Variants in GABRA3 observed in about 807,000 individuals in gnomAD.
The protein encoded by GABRA3 is gamma-aminobutyric acid type A receptor subunit alpha3.
GABRA3 carries 10 observed loss-of-function variants against 30.1 expected under a neutral mutation model. The ratio of observed to expected loss-of-function variants is 0.33; its 90% CI spans 0.20 to 0.56. The LOEUF is 0.56. Ranked by LOEUF, GABRA3 falls within the 20% of genes least tolerant of loss-of-function variation. The pLI, the probability that GABRA3 is intolerant of heterozygous loss-of-function variation, is 0.89. For synonymous variants in GABRA3, 151 were observed against 146.8 expected, an observed-to-expected ratio of 1.03 and a Z score of -0.21; for missense variants, 233 against 392.0, an observed-to-expected ratio of 0.59 and a Z score of 3.42.
In GABRA3 at chrX:152,179,540, G is replaced by A. The variant is rs755463385; in HGVS notation, c.1143+10190C>T. On this transcript the variant is annotated intron_variant, in intron 9 of 9. Transcript: ENST00000370314. ...GATGGAGTCTCGCTCTGTCGCTCAG[G>A]CTGGAGTGCAGTGGCGCGATCTCGG... is the stretch of plus-strand genomic sequence containing the variant. Among the ~76,000 whole-genome samples the A allele has an allele frequency of 1.1e-3, 121 of 105,797 alleles. 2 individuals carry two copies. Among genetic ancestry groups the A allele is most frequent in the Admixed American group, 9.2e-4 (9 of 9,773 alleles). The allele number at this position is 105,797 out of a possible 115,157, so 91.9% of individuals were successfully genotyped here.
chrX:152,397,194 AAG>A (rs1929682143), intron 1 of GABRA3, among the ~76,000 whole-genome samples: 1 of 111,872 alleles, frequency 8.9e-6, no homozygotes, highest in Admixed American at 9.5e-5. Context: ...TGGCTTCTAT[AAG>A]AGACGGCTTG....
chrX:152,371,095 T>C (rs1928825536), intron 1 of GABRA3, among the ~76,000 whole-genome samples: 1 of 110,971 alleles, frequency 9.0e-6, no homozygotes, highest in Non-Finnish European at 1.9e-5. Flanking sequence ...CATCTACAAA[T>C]AAGCACCTTA....
At chrX:152,415,709 T>C (rs911980508) in intron 1 of GABRA3, among the ~76,000 whole-genome samples, 14 of 111,550 alleles carry the variant, frequency 1.3e-4, no homozygotes, top group Admixed American at 6.7e-4. Context: ...AGAATTCCCA[T>C]TGGGTGACTC....
At chrX:152,358,948 A>C in intron 2 of GABRA3, among the ~76,000 whole-genome samples, 1 of 111,376 alleles carries the variant, frequency 9.0e-6, no homozygotes, top group Non-Finnish European at 1.9e-5. Flanking sequence ...TTGATATGCT[A>C]CTGGATTTGG....
chrX:152,211,442 T>G (rs756534862), intron 6 of GABRA3, among the ~76,000 whole-genome samples: 7 of 111,005 alleles, frequency 6.3e-5, no homozygotes, highest in Non-Finnish European at 1.3e-4. Flanking sequence ...GGCAATAATA[T>G]ATGGGAACAG....
At chrX:152,365,824 T>C (rs921641384) in intron 1 of GABRA3, among the ~76,000 whole-genome samples, 1 of 111,781 alleles carries the variant, frequency 8.9e-6, no homozygotes, top group African/African-American at 3.2e-5. Flanking sequence ...TTCATGAATC[T>C]GGTATAGGCA....
chrX:152,424,740 G>T, intron 1 of GABRA3, among the ~76,000 whole-genome samples: 1 of 109,384 alleles, frequency 9.1e-6, no homozygotes, highest in Admixed American at 9.9e-5. Flanking sequence ...ATATGCTTTT[G>T]GTGTGCCCAC....
chrX:152,288,164 A>G (rs1271046677), intron 3 of GABRA3, among the ~76,000 whole-genome samples: 2 of 111,745 alleles, frequency 1.8e-5, no homozygotes, highest in Non-Finnish European at 3.8e-5. Flanking sequence ...CTCTATTCCA[A>G]GCCCAGGCAA....
chrX:152,260,751 C>T (rs1374730601), intron 4 of GABRA3, among the ~76,000 whole-genome samples: 2 of 111,159 alleles, frequency 1.8e-5, no homozygotes, highest in African/African-American at 6.5e-5. Flanking sequence ...ATCCAGAAAG[C>T]CTTCCCAAAA....
chrX:152,444,732 GTGTT>G (rs1289332929), intron 1 of GABRA3, among the ~76,000 whole-genome samples: 1 of 23,231 alleles, frequency 4.3e-5, no homozygotes, highest in African/African-American at 1.7e-4. Flanking sequence ...TAATACTTGT[GTGTT>G]TTTTTTTTTT....
intron 1 of GABRA3, among the ~76,000 whole-genome samples, chrX:152,402,305 T>C (rs1300543502): frequency 8.9e-6 from 1 of 111,959 alleles, no homozygotes; most frequent in Non-Finnish European, 1.9e-5. Flanking sequence ...CGTCACACAC[T>C]GTCTACATGT....
intron 1 of GABRA3, among the ~76,000 whole-genome samples, chrX:152,368,701 C>CTT (rs59912352): frequency 1.6e-4 from 8 of 49,559 alleles, no homozygotes; most frequent in African/African-American, 2.5e-4. Context: ...AATTTTTTTT[C>CTT]TTTTTTTTTT....
At chrX:152,439,900 G>T (rs1479921285) in intron 1 of GABRA3, among the ~76,000 whole-genome samples, 1 of 111,724 alleles carries the variant, frequency 9.0e-6, no homozygotes, top group Non-Finnish European at 1.9e-5. Context: ...GTAAACCTAA[G>T]ACCTAAAACC....
At chrX:152,197,547 C>G in intron 8 of GABRA3, 86 bp downstream of exon 8, 1 of 910,266 alleles carries the variant, frequency 1.1e-6, no homozygotes, top group Non-Finnish European at 1.5e-6. Context: ...CCCATTCTCT[C>G]CAGGAGCCAT....
chrX:152,321,435 G>T (rs1039650831), intron 3 of GABRA3, among the ~76,000 whole-genome samples: 1 of 111,225 alleles, frequency 9.0e-6, no homozygotes, highest in African/African-American at 3.3e-5. Context: ...GCACAAAATC[G>T]AATTTAGTGC....
At chrX:152,386,783 C>A (rs1221405801) in intron 1 of GABRA3, among the ~76,000 whole-genome samples, 4 of 110,828 alleles carry the variant, frequency 3.6e-5, no homozygotes, top group Non-Finnish European at 5.7e-5. Context: ...TTGACCCAGC[C>A]ATCCCATTAC....
chrX:152,306,063 A>G (rs1191859113), intron 3 of GABRA3, among the ~76,000 whole-genome samples: 1 of 112,431 alleles, frequency 8.9e-6, no homozygotes, highest in Non-Finnish European at 1.9e-5. Context: ...AGGAATCTGA[A>G]TACTCAATGA....
At chrX:152,182,308 TATATAC>T (rs1937160840) in intron 9 of GABRA3, among the ~76,000 whole-genome samples, 2 of 94,912 alleles carry the variant, frequency 2.1e-5, no homozygotes, top group South Asian at 9.9e-4. Flanking sequence ...GTTATATATA[TATATAC>T]ACACACACAC....
chrX:152,326,720 G>A (rs1940065863), intron 3 of GABRA3, among the ~76,000 whole-genome samples: 1 of 111,392 alleles, frequency 9.0e-6, no homozygotes, highest in Non-Finnish European at 1.9e-5. Flanking sequence ...AACATGGAAA[G>A]GAACAACTGG....
Sources: gnomAD v4.1 joint callset for allele counts (sites outside exome capture counted in the v4.1 genomes callset) on GRCh38, gnomAD v4.1.1 for gene constraint, MANE v1.5 for transcripts, NCBI Gene and HGNC (gene_info 2026-07-23, HGNC 2026-07-21) for gene names.